The following VAV2 variants were observed in gnomAD, a reference collection of about 807,000 sequenced individuals.
VAV2 encodes guanine nucleotide exchange factor VAV2.
A neutral mutation model predicts 132.5 loss-of-function variants in VAV2; 67 were observed. The observed-to-expected ratio is 0.51, with a 90% CI of 0.42 to 0.62. The LOEUF (loss-of-function observed/expected upper bound fraction) is 0.62, where lower values mean the gene tolerates loss of function less well. VAV2 is among the 20% of genes least tolerant of loss of function. The probability of loss-of-function intolerance (pLI) is 0.00; values close to 1 mark genes in which losing one functional copy is unlikely to be tolerated. For missense variants in VAV2, 938 were observed against 1,153.6 expected (o/e 0.81, Z 2.71); for synonymous variants, 492 against 443.5 (o/e 1.11, Z -1.37).
chr9:133,978,973 A>T (rs1842603955), intron 1 of VAV2, among the ~76,000 whole-genome samples: 1 of 152,218 alleles, frequency 6.6e-6, no homozygotes. Flanking sequence ...GGGTCAGGGC[A>T]GGGGAGTTCG....
At chr9:133,902,762 A>AC (rs985940717) in intron 2 of VAV2, among the ~76,000 whole-genome samples, 4 of 152,144 alleles carry the variant, frequency 2.6e-5, no homozygotes, top group African/African-American at 7.2e-5. Flanking sequence ...ATCCAATATG[A>AC]CCCGTGTCCT....
In VAV2 at chr9:133,872,594, G is replaced by A. The variant is rs376688550; in HGVS notation, c.322-11162C>T. On this transcript the variant is annotated intron_variant, in intron 2 of 29. Transcript: ENST00000371850. ...GGAGCAGAGGCAGGAAGGCTGGCAG[G>A]GAAGCCCCGGGGGTCAGAGTCGCTT... Among the ~76,000 whole-genome samples, 6 of 152,266 alleles carry A rather than the reference G, an allele frequency of 3.9e-5. No homozygotes were observed. The East Asian group carries it at 1.2e-3, about 29-fold the overall frequency.
chr9:133,763,923 C>T lies in VAV2; in HGVS notation c.*139G>A. The T allele has an allele frequency of 9.7e-7, 1 of 1,036,100 alleles. No individual in the cohort carries two copies. Among genetic ancestry groups the T allele is most frequent in the Non-Finnish European group, 1.5e-6 (1 of 687,702 alleles). The allele number at this position is 1,036,100 out of a possible 1,614,324, so 64.2% of individuals were successfully genotyped here. ...AACGGTTCGAGTTTAGGATTCTCAA[C>T]ACCCTCCCTATCCCTGTGGGCAGTG... On this transcript the variant is annotated 3_prime_UTR_variant, in exon 30 of 30. Coordinates refer to ENST00000371850, the MANE Select transcript of VAV2 (RefSeq NM_001134398.2). The surrounding 1 kb of genome is among the most constrained non-coding windows in gnomAD (Gnocchi z 6.8).
chr9:133,900,473 C>T (rs10993846), intron 2 of VAV2, among the ~76,000 whole-genome samples: 7,811 of 152,206 alleles, frequency 0.051, 280 homozygotes, highest in South Asian at 0.094. Context: ...ACTGTCCCTC[C>T]ACCCTATCTG....
At chr9:133,978,445 A>C (rs538886983) in intron 1 of VAV2, among the ~76,000 whole-genome samples, 2 of 152,216 alleles carry the variant, frequency 1.3e-5, no homozygotes, top group Non-Finnish European at 2.9e-5. Context: ...GGGCTCCCCA[A>C]TCCTGGGAAG....
In VAV2 at chr9:133,992,032, G is replaced by A. The variant is rs1265055482; in HGVS notation, c.204+43C>T. 2.8e-6 allele frequency: 4 copies of A among 1,450,018 alleles called. No homozygotes were observed. The highest frequency in any genetic ancestry group is 1.3e-5 in the South Asian group (1 of 75,392). The allele number at this position is 1,450,018 out of a possible 1,614,324, so 89.8% of individuals were successfully genotyped here. ...GTTCAGTCCGCGCGTCGGGCAGCGCGAACGCCGCCTCCCCGGGGCCCTCCC... is the reference window on the plus strand; with the variant it reads ...GTTCAGTCCGCGCGTCGGGCAGCGCAAACGCCGCCTCCCCGGGGCCCTCCC... On this transcript the variant is annotated intron_variant, in intron 1 of 29. Coordinates refer to ENST00000371850, the MANE Select transcript of VAV2 (RefSeq NM_001134398.2). The surrounding 1 kb of genome is among the most constrained non-coding windows in gnomAD (Gnocchi z 5.5).
intron 2 of VAV2, among the ~76,000 whole-genome samples, chr9:133,873,928 G>A (rs752967863): frequency 6.6e-5 from 10 of 152,174 alleles, no homozygotes; most frequent in Non-Finnish European, 2.9e-5. Context: ...CAGACACGGC[G>A]TCCTCCAGGA....
At position 133,857,692 on chromosome 9, in the gene VAV2, C is replaced by T. The variant is rs188595613; in HGVS notation, c.380+3682G>A. Among the ~76,000 whole-genome samples, 58 of 152,338 alleles carry T rather than the reference C, an allele frequency of 3.8e-4. 3 individuals carry two copies. In the East Asian group the frequency reaches 9.3e-3, roughly 24 times the overall value. ...TTCCCCATGGAAATCCCAGCCCATC[C>T]GGAGCAAGGTGGGACATTGCTCAGA... On this transcript the variant is annotated intron_variant, in intron 3 of 29. Transcript: ENST00000371850. This position sits in a 1 kb window ranked among gnomAD's most constrained non-coding sequence, Gnocchi z 4.0.
chr9:133,946,163 C>T (rs990520793), intron 1 of VAV2, among the ~76,000 whole-genome samples: 5 of 152,224 alleles, frequency 3.3e-5, no homozygotes, highest in Admixed American at 2.0e-4. Flanking sequence ...CATGGTCCCA[C>T]CCTGGAGCTG....
Position 133,763,847 on chromosome 9 carries a change from A to G in VAV2, c.*215T>C, listed in dbSNP as rs1043922713. The G allele has an allele frequency of 3.5e-6, 2 of 579,398 alleles. No individual in the cohort carries two copies. Among genetic ancestry groups the G allele is most frequent in the East Asian group, 3.1e-5 (1 of 32,594 alleles). The allele number at this position is 579,398 out of a possible 1,614,324, so 35.9% of individuals were successfully genotyped here. A position where few individuals can be genotyped will look rare whatever the true frequency, so the allele number is the denominator to read the frequency against. On this transcript the variant is annotated 3_prime_UTR_variant, in exon 30 of 30. Transcript: ENST00000371850. The surrounding 1 kb of genome is among the most constrained non-coding windows in gnomAD (Gnocchi z 6.8). Reference sequence around the variant, plus strand: ...GGTGGGGCTAGCCCAGGTTTCCTCTATGTACAATAGCATACCCAGTGATGG... The same window carrying G: ...GGTGGGGCTAGCCCAGGTTTCCTCTGTGTACAATAGCATACCCAGTGATGG...
At chr9:133,805,723 T>A (rs1427131925) in intron 9 of VAV2, among the ~76,000 whole-genome samples, 1 of 152,086 alleles carries the variant, frequency 6.6e-6, no homozygotes, top group Non-Finnish European at 1.5e-5. Flanking sequence ...CTTGTCCACA[T>A]CCTAACTTTA....
intron 4 of VAV2, among the ~76,000 whole-genome samples, chr9:133,812,421 A>G (rs572547640): frequency 6.6e-6 from 1 of 152,338 alleles, no homozygotes; most frequent in African/African-American, 2.4e-5. Flanking sequence ...CGCATCCTCC[A>G]GTGCTCTGCC....
rs558948108 is a variant in VAV2 at position 133,981,594 on chromosome 9, C to G, written c.204+10481G>C. ...GCTGTGGGGTAGAAACTGCGCTGGG[C>G]GCCAGACACACACTTTTTGCACCAA... On this transcript the variant is annotated intron_variant, in intron 1 of 29. Transcript: ENST00000371850. Among the ~76,000 whole-genome samples, 525 of 152,304 alleles carry G rather than the reference C, an allele frequency of 3.4e-3. 8 individuals carry two copies. The highest frequency in any genetic ancestry group is 6.1e-3 in the Non-Finnish European group (414 of 68,012).
chr9:133,979,000 C>G (rs778740389), intron 1 of VAV2, among the ~76,000 whole-genome samples: 4 of 152,212 alleles, frequency 2.6e-5, no homozygotes, highest in Admixed American at 6.5e-5. Context: ...TTAGGGTCTC[C>G]TCCAGCCAGC....
rs181822458 is a variant in VAV2 at position 133,781,507 on chromosome 9, G to A, written c.1724-797C>T. Among the ~76,000 whole-genome samples, 254 of 152,254 alleles carry A rather than the reference G, an allele frequency of 1.7e-3. 1 individual carries two copies. Among genetic ancestry groups the A allele is most frequent in the African/African-American group, 5.8e-3 (240 of 41,540 alleles). On this transcript the variant is annotated intron_variant, in intron 19 of 29. Transcript: ENST00000371850. ...GGTCAGGGGTGGGGGGCAGCTGGAC[G>A]GCAGCAATGACTGTGCCTGATGGGG...
At chr9:133,854,269 A>G (rs112005809) in intron 3 of VAV2, among the ~76,000 whole-genome samples, 1 of 140,550 alleles carries the variant, frequency 7.1e-6, no homozygotes, top group Non-Finnish European at 1.5e-5. Context: ...ACACACACGC[A>G]CATACCCATA....
At chr9:133,820,943 AGC>A (rs68101685) in intron 4 of VAV2, among the ~76,000 whole-genome samples, 28,833 of 152,126 alleles carry the variant, frequency 0.19, 3,317 homozygotes, top group African/African-American at 0.33. Context: ...ACGGAACCAG[AGC>A]GCCAGCCCCA....
At chr9:133,874,864 G>A (rs1405155747) in intron 2 of VAV2, among the ~76,000 whole-genome samples, 9 of 152,174 alleles carry the variant, frequency 5.9e-5, no homozygotes, top group South Asian at 2.1e-4. Flanking sequence ...GAAGTGGGGC[G>A]TGGAGGCCTC....
At chr9:133,924,926 G>A (rs1255379291) in intron 2 of VAV2, among the ~76,000 whole-genome samples, 1 of 152,266 alleles carries the variant, frequency 6.6e-6, no homozygotes, top group Non-Finnish European at 1.5e-5. Flanking sequence ...CAGCGCAGGT[G>A]AAACCTGAAA....
Sources: allele counts gnomAD v4.1 joint callset (sites outside exome capture counted in the v4.1 genomes callset), GRCh38; gene constraint gnomAD v4.1.1; non-coding constraint Gnocchi (gnomAD v3.1); transcripts MANE v1.5; gene names NCBI Gene and HGNC (gene_info 2026-07-23, HGNC 2026-07-21).